Variants in PTPRU observed in about 807,000 individuals in gnomAD.
PTPRU encodes protein tyrosine phosphatase receptor type U.
A neutral mutation model predicts 166.3 loss-of-function variants in PTPRU; 69 were observed. That is an observed-to-expected ratio of 0.41 (90% CI 0.34 to 0.51). The LOEUF (loss-of-function observed/expected upper bound fraction) is 0.51. Among genes scored for constraint, PTPRU ranks in the 20% least tolerant of loss-of-function variants. The pLI, the probability that PTPRU is intolerant of heterozygous loss-of-function variation, is 0.09. For synonymous variants in PTPRU, 793 were observed against 814.0 expected, an observed-to-expected ratio of 0.97 and a Z score of 0.44; for missense variants, 1,657 against 2,013.7, an observed-to-expected ratio of 0.82 and a Z score of 3.39.
At chr1:29,266,899 A>AT (rs961108183) in intron 7 of PTPRU, among the ~76,000 whole-genome samples, 13 of 151,580 alleles carry the variant, frequency 8.6e-5, no homozygotes, top group African/African-American at 2.2e-4. Context: ...ACTTACATAG[A>AT]TTTTTTTTTC....
rs1683838196 is a variant in PTPRU, at chr1:29,237,732, T to C, written c.73+1015T>C. On this transcript the variant is annotated intron_variant, in intron 1 of 29. Coordinates refer to ENST00000373779, the MANE Select transcript of PTPRU (RefSeq NM_133178.4). The surrounding 1 kb of genome is among the most constrained non-coding windows in gnomAD (Gnocchi z 6.4). ...TTGTTTCGCAAGTTCCGCGCGGCGC[T>C]GGCGGGCGGCTGATCCGAGGCGGCG... Among the ~76,000 whole-genome samples, 2 of 149,510 alleles carry C rather than the reference T, an allele frequency of 1.3e-5. No homozygotes were observed. The highest frequency in any genetic ancestry group is 1.3e-4 in the Admixed American group (2 of 15,040).
chr1:29,315,551 C>T lies in PTPRU; in HGVS notation c.3363+44C>T. 1 of 1,611,536 alleles carries T rather than the reference C, an allele frequency of 6.2e-7. No homozygotes were observed. The highest frequency in any genetic ancestry group is 8.5e-7 in the Non-Finnish European group (1 of 1,178,274). On this transcript the variant is annotated intron_variant, in intron 23 of 29. Coordinates refer to ENST00000373779, the MANE Select transcript of PTPRU (RefSeq NM_133178.4). The surrounding 1 kb of genome is among the most constrained non-coding windows in gnomAD (Gnocchi z 4.5). The stretch of plus-strand genomic sequence containing the variant: ...GTCCCCACCATTATTACTTCTAGGA[C>T]TGGAGTTTCTCGTGAAGGATCCTGG...
chr1:29,248,401 A>G (rs1214043131), intron 1 of PTPRU, among the ~76,000 whole-genome samples: 3 of 152,190 alleles, frequency 2.0e-5, no homozygotes, highest in Non-Finnish European at 2.9e-5. Context: ...ACAACCTTGG[A>G]TGATGAAATA....
In PTPRU at chr1:29,241,484, G is replaced by A. The variant is rs1415773721; in HGVS notation, c.73+4767G>A. Among the ~76,000 whole-genome samples the A allele has an allele frequency of 3.3e-5, 5 of 152,164 alleles. No homozygotes were observed. The East Asian group carries it at 5.8e-4, about 18-fold the overall frequency. On this transcript the variant is annotated intron_variant, in intron 1 of 29. Transcript: ENST00000373779. ...CCCAAGTGTCCGGGTATCTGAGGGT[G>A]GGGGTATCTGTGTATGAAACAACAG...
intron 18 of PTPRU, among the ~76,000 whole-genome samples, chr1:29,308,427 C>T (rs889905721): frequency 1.3e-5 from 2 of 150,014 alleles, no homozygotes; most frequent in South Asian, 2.2e-4. Context: ...ATTAGCTGGG[C>T]GTGGTGGCTC....
Position 29,292,023 on chromosome 1 carries a change from C to T in PTPRU, c.2473C>T (p.Arg825Trp), listed in dbSNP as rs558954146. ...CATGGACACCCATGGCTACAGCACC[C>T]GGGGTGAGTGCCCGGCCCTCCTACC... is the stretch of plus-strand genomic sequence containing the variant. The part of the protein sequence containing the change: ...SFMDTHGYST[R>W]GDQRSGGVTE... Residue 825 changes from arginine to tryptophan, a missense_variant, in exon 15 of 30, where the codon CGG becomes TGG. Coordinates refer to ENST00000373779, the MANE Select transcript of PTPRU (RefSeq NM_133178.4). 96 of 1,613,948 alleles carry T rather than the reference C, an allele frequency of 5.9e-5. No individual in the cohort carries two copies. The highest frequency in any genetic ancestry group is 2.0e-4 in the Admixed American group (12 of 60,016).
chr1:29,254,296 C>T (rs1684678089), intron 1 of PTPRU, among the ~76,000 whole-genome samples: 1 of 152,198 alleles, frequency 6.6e-6, no homozygotes, highest in Admixed American at 6.5e-5. Flanking sequence ...CAATAGTGTT[C>T]TCAGGTTTAT....
Position 29,326,767 on chromosome 1 carries a change from G to A in PTPRU, c.*1106G>A, listed in dbSNP as rs533033271. The A allele has an allele frequency of 6.6e-6, 1 of 152,336 alleles. No homozygotes were observed. The highest frequency in any genetic ancestry group is 6.5e-5 in the Admixed American group (1 of 15,294). 9.4% of individuals were successfully genotyped at this position (152,336 alleles called of 1,614,324 possible). On this transcript the variant is annotated 3_prime_UTR_variant, in exon 30 of 30. Transcript: ENST00000373779. ...GGAGGCATAAGCTGATGTTTGTAAA[G>A]CGCTTTGTAAATAAACGTGCTCTCT...
rs183501178 is a variant in PTPRU, at chr1:29,268,407, G to C, written c.1145-7041G>C. ...GTCACAACTGGGTGGCGGCAATGGG[G>C]TGTTACTGGCATCTAAAGGGATAGA... On this transcript the variant is annotated intron_variant, in intron 7 of 29. Coordinates refer to ENST00000373779, the MANE Select transcript of PTPRU (RefSeq NM_133178.4). Among the ~76,000 whole-genome samples the C allele has an allele frequency of 4.6e-5, 7 of 152,192 alleles. No individual in the cohort carries two copies. The East Asian group carries it at 1.3e-3, about 29-fold the overall frequency.
chr1:29,320,494 G>C lies in PTPRU; in HGVS notation c.3688-191G>C. 3.7e-6 allele frequency: 2 copies of C among 539,086 alleles called. No homozygotes were observed. Among genetic ancestry groups the C allele is most frequent in the African/African-American group, 1.9e-5 (1 of 51,876 alleles). 33.4% of individuals were successfully genotyped at this position (539,086 alleles called of 1,614,324 possible). A position where few individuals can be genotyped will look rare whatever the true frequency, so the allele number is the denominator to read the frequency against. On this transcript the variant is annotated intron_variant, in intron 25 of 29. Coordinates refer to ENST00000373779, the MANE Select transcript of PTPRU (RefSeq NM_133178.4). This position sits in a 1 kb window ranked among gnomAD's most constrained non-coding sequence, Gnocchi z 5.2. ...TCATGGGCTTGGTCCCCAGAGGCCT[G>C]GGCCCACCCTGTCAACCCAGGCCTC...
intron 24 of PTPRU, among the ~76,000 whole-genome samples, chr1:29,316,922 G>T (rs1026229551): frequency 1.3e-5 from 2 of 152,128 alleles, no homozygotes; most frequent in Non-Finnish European, 2.9e-5. Context: ...ATGGGAAAAG[G>T]CTGGTTCTCC....
chr1:29,280,142 G>T lies in PTPRU; in HGVS notation c.1868+1G>T. 6.2e-7 allele frequency: 1 copy of T among 1,609,108 alleles called. No homozygotes were observed. Among genetic ancestry groups the T allele is most frequent in the Non-Finnish European group, 8.5e-7 (1 of 1,176,502 alleles). ...CACAGGGCCGCGGTGCGCCCATCAG[G>T]TGGGAAAGCGGGGACGGAGGGGTGG... is the stretch of plus-strand genomic sequence containing the variant. On this transcript the variant is annotated splice_donor_variant, in intron 11 of 29. Coordinates refer to ENST00000373779, the MANE Select transcript of PTPRU (RefSeq NM_133178.4). LOFTEE classifies it high-confidence loss of function. This position sits in a 1 kb window ranked among gnomAD's most constrained non-coding sequence, Gnocchi z 4.2.
intron 26 of PTPRU, among the ~76,000 whole-genome samples, chr1:29,321,710 G>A (rs1190205643): frequency 5.3e-5 from 8 of 152,248 alleles, no homozygotes; most frequent in Non-Finnish European, 1.0e-4. Context: ...ACCTGTTCTT[G>A]TGGGGTTATT....
At chr1:29,269,252 T>G (rs1234767509) in intron 7 of PTPRU, among the ~76,000 whole-genome samples, 3 of 94,298 alleles carry the variant, frequency 3.2e-5, no homozygotes, top group African/African-American at 1.4e-4. Flanking sequence ...ATATATTTTT[T>G]TTTTTTTTTT....
chr1:29,283,811 G>A, intron 12 of PTPRU, 129 bp from the exon 13 acceptor site: 3 of 1,107,666 alleles, frequency 2.7e-6, no homozygotes, highest in East Asian at 4.7e-5. Context: ...TTCGGGTGGG[G>A]TGTCCCTTGA....
chr1:29,299,698 A>T (rs1687051460), intron 15 of PTPRU, among the ~76,000 whole-genome samples: 1 of 151,614 alleles, frequency 6.6e-6, no homozygotes, highest in Non-Finnish European at 1.5e-5. Flanking sequence ...TGCCACCCTC[A>T]TTTGCTCCTT....
Position 29,280,338 on chromosome 1 carries a change from G to A in PTPRU, c.1868+197G>A, listed in dbSNP as rs1353564775. Among the ~76,000 whole-genome samples, 1 of 152,192 alleles carries A rather than the reference G, an allele frequency of 6.6e-6. No individual in the cohort carries two copies. Among genetic ancestry groups the A allele is most frequent in the African/African-American group, 2.4e-5 (1 of 41,438 alleles). On this transcript the variant is annotated intron_variant, in intron 11 of 29. Transcript: ENST00000373779. This position sits in a 1 kb window ranked among gnomAD's most constrained non-coding sequence, Gnocchi z 4.2. ...TGCAGTCCCTCCCCTCTGAGGCCAT[G>A]GGTCTCAGATGGTGACTGTCAGGAG...
At chr1:29,283,642 C>T (rs1002623630) in intron 12 of PTPRU, 2 of 448,330 alleles carry the variant, frequency 4.5e-6, no homozygotes, top group Non-Finnish European at 7.9e-6. Flanking sequence ...GACTTCCTAG[C>T]TGGACCTCTG....
chr1:29,243,896 GGGCTGCCATTTCCT>G (rs1226551799), intron 1 of PTPRU, among the ~76,000 whole-genome samples: 1 of 152,188 alleles, frequency 6.6e-6, no homozygotes, highest in African/African-American at 2.4e-5. Flanking sequence ...TCTGGGTTGG[GGGCTGCCATTTCCT>G]GCAGAATGAC....
Sources: gnomAD v4.1 joint callset for allele counts (sites outside exome capture counted in the v4.1 genomes callset) on GRCh38, gnomAD v4.1.1 for gene constraint, Gnocchi (gnomAD v3.1) non-coding constraint, MANE v1.5 for transcripts, NCBI Gene and HGNC (gene_info 2026-07-23, HGNC 2026-07-21) for gene names.